DRGX: variants seen among roughly 807,000 people sequenced by gnomAD.
DRGX encodes dorsal root ganglia homeobox protein.
A neutral mutation model predicts 28.6 loss-of-function variants in DRGX; 21 were observed. The ratio of observed to expected loss-of-function variants is 0.73; its 90% CI spans 0.52 to 1.06. DRGX has a LOEUF of 1.06. Ranked by LOEUF, DRGX falls within the 50% of genes least tolerant of loss-of-function variation. The pLI, the probability that DRGX is intolerant of heterozygous loss-of-function variation, is 0.00. For missense variants in DRGX, 354 were observed against 343.9 expected (o/e 1.03, Z -0.23); for synonymous variants, 136 against 139.1 (o/e 0.98, Z 0.16).
intron 6 of DRGX, among the ~76,000 whole-genome samples, chr10:49,376,569 A>G (rs1849719436): frequency 6.6e-6 from 1 of 152,174 alleles, no homozygotes; most frequent in Non-Finnish European, 1.5e-5. Flanking sequence ...ATCCCAAGTG[A>G]CTTTTTGGCT....
chr10:49,382,841 C>T (rs61848639), intron 6 of DRGX, among the ~76,000 whole-genome samples: 10,330 of 152,256 alleles, frequency 0.068, 425 homozygotes, highest in Middle Eastern at 0.15. Context: ...TAGGGAGACT[C>T]TATCATATTC....
intron 6 of DRGX, among the ~76,000 whole-genome samples, chr10:49,382,027 C>T (rs562167094): frequency 5.1e-4 from 77 of 152,224 alleles, no homozygotes; most frequent in African/African-American, 1.7e-3. Context: ...GCTCAGCCCA[C>T]ATTGGTTCTG....
chr10:49,388,630 T>C lies in DRGX; in HGVS notation c.234+1503A>G, dbSNP rs574076130. Among the ~76,000 whole-genome samples the C allele has an allele frequency of 1.2e-4, 19 of 152,358 alleles. No individual in the cohort carries two copies. The South Asian group carries it at 3.5e-3, about 28-fold the overall frequency. Reference sequence around the variant, plus strand: ...GGTCACAGCTATAACAACATTTAATTGAGCTATTTTTCATTATCATATTTT... The same window carrying C: ...GGTCACAGCTATAACAACATTTAATCGAGCTATTTTTCATTATCATATTTT... On this transcript the variant is annotated intron_variant, in intron 4 of 6. Coordinates refer to ENST00000374139, the MANE Select transcript of DRGX (RefSeq NM_001276451.2).
rs1172904993 is a variant in DRGX at position 49,366,085 on chromosome 10, G to T, written c.*31C>A. ...GAGGCTGGGAGAAGGAGGGGCGGGG[G>T]AGGGCAGGCCGGGCGGGGCACTGTG... On this transcript the variant is annotated 3_prime_UTR_variant, in exon 7 of 7. Coordinates refer to ENST00000374139, the MANE Select transcript of DRGX (RefSeq NM_001276451.2). The T allele has an allele frequency of 6.6e-7, 1 of 1,515,564 alleles. No individual in the cohort carries two copies. Among genetic ancestry groups the T allele is most frequent in the Non-Finnish European group, 8.8e-7 (1 of 1,130,146 alleles). The allele number at this position is 1,515,564 out of a possible 1,614,324, so 93.9% of individuals were successfully genotyped here.
intron 2 of DRGX, among the ~76,000 whole-genome samples, chr10:49,394,884 G>A (rs1332336501): frequency 4.6e-5 from 7 of 152,232 alleles, no homozygotes; most frequent in Non-Finnish European, 1.5e-5. Context: ...ACGGCCAGGA[G>A]GCCGGGAAGG....
rs747175928 is a variant in DRGX, at chr10:49,386,577, C to T, written c.427G>A (p.Val143Ile). 2.5e-6 allele frequency: 4 copies of T among 1,592,280 alleles called. No homozygotes were observed. The highest frequency in any genetic ancestry group is 3.4e-6 in the Non-Finnish European group (4 of 1,169,266). The change falls in exon 6 of 7, where the codon GTA becomes ATA. Residue 143 changes from valine (V) to isoleucine (I), a missense_variant. Coordinates refer to ENST00000374139, the MANE Select transcript of DRGX (RefSeq NM_001276451.2). ...GGGAAGAAAGGCCCTGCAGGACCTA[C>T]CGTTCGCCCCAGGCTGGCAAAGGAA... ...LEAQQSLGRT[V>I]GPAGPFFPSC...
intron 6 of DRGX, among the ~76,000 whole-genome samples, chr10:49,368,576 C>T (rs561638950): frequency 6.6e-6 from 1 of 152,374 alleles, no homozygotes; most frequent in Admixed American, 6.5e-5. Flanking sequence ...GGGAACAATG[C>T]CTGCTATGAG....
chr10:49,364,817 C>T lies in DRGX; in HGVS notation c.*1299G>A, dbSNP rs17009950. 14,266 of 152,116 alleles carry T rather than the reference C, an allele frequency of 0.094. 678 individuals are homozygous for T. Among genetic ancestry groups the T allele is most frequent in the Middle Eastern group, 0.14 (41 of 294 alleles). 9.4% of individuals were successfully genotyped at this position (152,116 alleles called of 1,614,324 possible). Reference sequence around the variant, plus strand: ...GAAATGTGAAAGTAAAACATTTTGACGATAATAACTGAAACCAAAATAACC... The same window carrying T: ...GAAATGTGAAAGTAAAACATTTTGATGATAATAACTGAAACCAAAATAACC... On this transcript the variant is annotated 3_prime_UTR_variant, in exon 7 of 7. Transcript: ENST00000374139.
Position 49,390,250 on chromosome 10 carries a change from AAT to A in DRGX, c.133-18_133-17del. ...GAGCTTCCAGCTGGTAAAAGGAAAA[AAT>A]ATGTACTGGTGAGAGGCTGTGGCTA... On this transcript the variant is annotated splice_polypyrimidine_tract_variant and intron_variant, in intron 3 of 6. Coordinates refer to ENST00000374139, the MANE Select transcript of DRGX (RefSeq NM_001276451.2). 1 of 1,597,880 alleles carries A rather than the reference AAT, an allele frequency of 6.3e-7. No individual in the cohort carries two copies. The highest frequency in any genetic ancestry group is 8.5e-7 in the Non-Finnish European group (1 of 1,171,182).
At chr10:49,375,209 C>T (rs941384168) in intron 6 of DRGX, among the ~76,000 whole-genome samples, 3 of 152,204 alleles carry the variant, frequency 2.0e-5, no homozygotes, top group African/African-American at 7.2e-5. Context: ...TATTTCTTGT[C>T]TTTTCACCAT....
At chr10:49,378,272 A>G (rs1288775156) in intron 6 of DRGX, among the ~76,000 whole-genome samples, 2 of 152,234 alleles carry the variant, frequency 1.3e-5, no homozygotes, top group Non-Finnish European at 2.9e-5. Context: ...GGCAGCAAAC[A>G]CAACTGTGAA....
At chr10:49,390,002 G>T in intron 4 of DRGX, 131 bp downstream of exon 4, 1 of 752,008 alleles carries the variant, frequency 1.3e-6, no homozygotes, top group Non-Finnish European at 2.1e-6. Flanking sequence ...TGTTATTAAA[G>T]TGCATCATGA....
intron 2 of DRGX, 63 bp downstream of exon 2, chr10:49,395,344 C>G: frequency 6.5e-7 from 1 of 1,542,614 alleles, no homozygotes; most frequent in South Asian, 1.2e-5. Flanking sequence ...GCCCTGCTGC[C>G]GCTCCGGCCC....
chr10:49,379,861 C>A (rs1450665130), intron 6 of DRGX, among the ~76,000 whole-genome samples: 1 of 152,228 alleles, frequency 6.6e-6, no homozygotes, highest in Non-Finnish European at 1.5e-5. Context: ...CGTCCAAGGC[C>A]TCTGCGGGGA....
At chr10:49,369,969 C>T (rs566181461) in intron 6 of DRGX, among the ~76,000 whole-genome samples, 2 of 152,166 alleles carry the variant, frequency 1.3e-5, no homozygotes, top group Non-Finnish European at 2.9e-5. Flanking sequence ...ACTCTCAACC[C>T]ACCGCACTCA....
intron 6 of DRGX, among the ~76,000 whole-genome samples, chr10:49,369,786 T>G (rs1442403495): frequency 1.3e-5 from 2 of 149,774 alleles, no homozygotes; most frequent in South Asian, 4.2e-4. Flanking sequence ...TTTTTTTTTT[T>G]TAAGTGTGCT....
intron 6 of DRGX, among the ~76,000 whole-genome samples, chr10:49,372,051 A>T (rs1849664929): frequency 6.6e-6 from 1 of 152,170 alleles, no homozygotes; most frequent in Non-Finnish European, 1.5e-5. Context: ...ACCTGGAGCC[A>T]TTTGCACAGA....
intron 2 of DRGX, among the ~76,000 whole-genome samples, chr10:49,394,977 G>A (rs1410281477): frequency 2.6e-5 from 4 of 152,236 alleles, no homozygotes; most frequent in Non-Finnish European, 5.9e-5. Flanking sequence ...GCCCAGCGAC[G>A]GGCCCTTGTA....
At chr10:49,388,874 G>A (rs1278789868) in intron 4 of DRGX, among the ~76,000 whole-genome samples, 3 of 152,018 alleles carry the variant, frequency 2.0e-5, no homozygotes, top group African/African-American at 7.3e-5. Flanking sequence ...CTAAACAAGC[G>A]CTTCACAGCC....
Sources: gnomAD v4.1 joint callset for allele counts (sites outside exome capture counted in the v4.1 genomes callset) on GRCh38, gnomAD v4.1.1 for gene constraint, MANE v1.5 for transcripts, NCBI Gene and HGNC (gene_info 2026-07-23, HGNC 2026-07-21) for gene names.